DEF8: variants seen among roughly 807,000 people sequenced by gnomAD.
The protein encoded by DEF8 is DEF-8.
Under a neutral mutation model 59.1 loss-of-function variants are expected in DEF8, and 38 were observed. The observed-to-expected ratio is 0.64, with a 90% confidence interval of 0.50 to 0.84. The LOEUF is 0.84. Ranked by LOEUF, DEF8 falls within the 40% of genes least tolerant of loss-of-function variation. The probability of loss-of-function intolerance (pLI) is 0.00; values close to 1 mark genes in which losing one functional copy is unlikely to be tolerated. For missense variants in DEF8, 557 were observed against 615.2 expected (o/e 0.91, Z 1.00); for synonymous variants, 265 against 250.1 (o/e 1.06, Z -0.56).
chr16:89,963,466 C>T, intron 10 of DEF8, 23 bp downstream of exon 10: 2 of 1,603,242 alleles, frequency 1.2e-6, no homozygotes, highest in South Asian at 2.2e-5. Context: ...GCAGGACTGG[C>T]CCCCGATGGG....
chr16:89,962,428 T>A (rs1301276936), intron 9 of DEF8, among the ~76,000 whole-genome samples: 1 of 152,050 alleles, frequency 6.6e-6, no homozygotes. Flanking sequence ...GAGGCTGAGG[T>A]GGGTGGATCA....
chr16:89,960,971 C>G lies in DEF8; in HGVS notation c.555C>G (p.Ile185Met), dbSNP rs2033950615. Residue 185 changes from isoleucine (I) to methionine (M), a missense_variant, in exon 7 of 13, where the codon ATC (isoleucine) becomes ATG (methionine). Physicochemically the swap from Ile to Met is conservative, Grantham distance 10 (BLOSUM62 1). Transcript: ENST00000563594. ...GTCACAGTAAGTGCTTGAACCTCAT[C>G]TCCAAGCCCTGTGTGAGCTCCAAAG... ...YRCHSKCLNL[I>M]SKPCVSSKVS... The G allele has an allele frequency of 6.2e-7, 1 of 1,613,996 alleles. No individual in the cohort carries two copies.
At chr16:89,951,488 G>A (rs569348304) in intron 2 of DEF8, among the ~76,000 whole-genome samples, 1 of 152,236 alleles carries the variant, frequency 6.6e-6, no homozygotes, top group East Asian at 1.9e-4. Flanking sequence ...CAGGTGATCA[G>A]CCCACTTCTG....
intron 4 of DEF8, 131 bp downstream of exon 4, chr16:89,955,397 T>C (rs935537742): frequency 1.2e-5 from 9 of 730,648 alleles, no homozygotes; most frequent in African/African-American, 1.2e-4. Flanking sequence ...TCTCACTCCA[T>C]TGTCAGGCTC....
chr16:89,954,433 G>A lies in DEF8; in HGVS notation c.124+57G>A. 6.3e-7 allele frequency: 1 copy of A among 1,575,762 alleles called. No individual in the cohort carries two copies. Among genetic ancestry groups the A allele is most frequent in the South Asian group, 1.2e-5 (1 of 86,914 alleles). Reference sequence around the variant, plus strand: ...GGGCAGGTCTCTGACTGCTTACGTGGACCCCTCCTTTCTTCCTGCCGCGTC... The same window carrying A: ...GGGCAGGTCTCTGACTGCTTACGTGAACCCCTCCTTTCTTCCTGCCGCGTC... On this transcript the variant is annotated intron_variant, in intron 3 of 12. Coordinates refer to ENST00000563594, the MANE Select transcript of DEF8 (RefSeq NM_001242818.2). This position sits in a 1 kb window ranked among gnomAD's most constrained non-coding sequence, Gnocchi z 4.3.
chr16:89,954,475 T>C lies in DEF8; in HGVS notation c.124+99T>C. On this transcript the variant is annotated intron_variant, in intron 3 of 12. Transcript: ENST00000563594. The surrounding 1 kb of genome is among the most constrained non-coding windows in gnomAD (Gnocchi z 4.3). ...TGCCGCGTCCTGCGCAGCCCTGGCTTTCCCACGGAGCCGGCACCTGCTGGC... is the reference window on the plus strand; with the variant it reads ...TGCCGCGTCCTGCGCAGCCCTGGCTCTCCCACGGAGCCGGCACCTGCTGGC... The C allele has an allele frequency of 7.2e-7, 1 of 1,385,894 alleles. No individual in the cohort carries two copies. Among genetic ancestry groups the C allele is most frequent in the Non-Finnish European group, 9.8e-7 (1 of 1,019,574 alleles). The allele number at this position is 1,385,894 out of a possible 1,614,324, so 85.8% of individuals were successfully genotyped here.
Position 89,967,372 on chromosome 16 carries a change from G to A in DEF8, c.*1409G>A. 2.5e-6 allele frequency: 1 copy of A among 398,670 alleles called. No individual in the cohort carries two copies. Among genetic ancestry groups the A allele is most frequent in the Non-Finnish European group, 4.4e-6 (1 of 226,096 alleles). 24.7% of individuals were successfully genotyped at this position (398,670 alleles called of 1,614,324 possible). The stretch of plus-strand genomic sequence containing the variant: ...GCTCATTCCAGGAGTGGGAGAGACG[G>A]CAGGGTCTCCTCTTTGTCCTCCGGC... On this transcript the variant is annotated 3_prime_UTR_variant, in exon 13 of 13. Transcript: ENST00000563594.
At position 89,957,555 on chromosome 16, in the gene DEF8, C is replaced by T. The variant is rs372563628; in HGVS notation, c.267C>T (p.Ile89=). The T allele has an allele frequency of 1.5e-5, 24 of 1,592,456 alleles. No homozygotes were observed. Among genetic ancestry groups the T allele is most frequent in the African/African-American group, 2.7e-5 (2 of 74,518 alleles). Residue 89 remains isoleucine, a synonymous_variant, in exon 5 of 13, where the codon ATC becomes ATT. Transcript: ENST00000563594. ...ACGTCCAGCAGCTGCGGCAGGCGAT[C>T]GAGGAGTGCAAGCAGGTGATTCTGG... is the stretch of plus-strand genomic sequence containing the variant. ...ASDVQQLRQA[I]EECKQVILEL...
chr16:89,967,481 C>G lies in DEF8; in HGVS notation c.*1518C>G. On this transcript the variant is annotated 3_prime_UTR_variant, in exon 13 of 13. Coordinates refer to ENST00000563594, the MANE Select transcript of DEF8 (RefSeq NM_001242818.2). ...GTCTGCTCTGCCTCGGTTTCCCCATCTGGAAAATGGGGGCAGGGGTCCTGA... is the reference window on the plus strand; with the variant it reads ...GTCTGCTCTGCCTCGGTTTCCCCATGTGGAAAATGGGGGCAGGGGTCCTGA... The G allele has an allele frequency of 2.5e-6, 1 of 398,622 alleles. No homozygotes were observed. Among genetic ancestry groups the G allele is most frequent in the Non-Finnish European group, 4.4e-6 (1 of 226,080 alleles). 24.7% of individuals were successfully genotyped at this position (398,622 alleles called of 1,614,324 possible). A position where few individuals can be genotyped will look rare whatever the true frequency, so the allele number is the denominator to read the frequency against.
At position 89,967,409 on chromosome 16, in the gene DEF8, G is replaced by T; in HGVS notation, c.*1446G>T. ...CTTTGTCCTCCGGCATCAGGAAGGG[G>T]ATGGTGTCCACTCCCCACTGTGGTG... On this transcript the variant is annotated 3_prime_UTR_variant, in exon 13 of 13. Transcript: ENST00000563594. 2.5e-6 allele frequency: 1 copy of T among 398,690 alleles called. No individual in the cohort carries two copies. 24.7% of individuals were successfully genotyped at this position (398,690 alleles called of 1,614,324 possible).
chr16:89,951,664 C>T (rs77017393), intron 2 of DEF8, among the ~76,000 whole-genome samples: 18,035 of 152,172 alleles, frequency 0.12, 1,395 homozygotes, highest in African/African-American at 0.21. Context: ...GGCTCAGGTG[C>T]AGTCCCCTGC....
At chr16:89,953,434 G>T (rs1385985119) in intron 2 of DEF8, among the ~76,000 whole-genome samples, 1 of 152,198 alleles carries the variant, frequency 6.6e-6, no homozygotes, top group African/African-American at 2.4e-5. Context: ...CCTCCGGGTG[G>T]GGAAAGAGCA....
In DEF8 at chr16:89,961,248, C is replaced by A. The variant is rs2033986418; in HGVS notation, c.679+153C>A. Among the ~76,000 whole-genome samples the A allele has an allele frequency of 2.0e-5, 3 of 152,186 alleles. No homozygotes were observed. The South Asian group carries it at 6.2e-4, about 31-fold the overall frequency. On this transcript the variant is annotated intron_variant, in intron 7 of 12. Transcript: ENST00000563594. ...TTTAGGAAGTGACAAGGGTCTGTTG[C>A]TGCCATTGTTTCATTTCTCACTGAA...
chr16:89,953,745 G>A (rs906676969), intron 2 of DEF8, among the ~76,000 whole-genome samples: 1 of 152,338 alleles, frequency 6.6e-6, no homozygotes, highest in Non-Finnish European at 1.5e-5. Context: ...TGAGACAGGG[G>A]CTGTGGTTTC....
chr16:89,959,249 G>C, intron 6 of DEF8, 94 bp downstream of exon 6: 4 of 1,577,464 alleles, frequency 2.5e-6, no homozygotes, highest in South Asian at 2.3e-5. Flanking sequence ...ATCCAGTGTG[G>C]TGGCCACTAG....
intron 2 of DEF8, among the ~76,000 whole-genome samples, chr16:89,950,525 T>C (rs1037094591): frequency 6.6e-6 from 1 of 152,040 alleles, no homozygotes; most frequent in African/African-American, 2.4e-5. Context: ...AGTAGCTGGA[T>C]TACAGGCATG....
At chr16:89,953,289 C>T (rs1350378848) in intron 2 of DEF8, among the ~76,000 whole-genome samples, 1 of 152,164 alleles carries the variant, frequency 6.6e-6, no homozygotes, top group African/African-American at 2.4e-5. Flanking sequence ...GAAATGGAGG[C>T]AGAGAGGCTA....
intron 4 of DEF8, 38 bp downstream of exon 4, chr16:89,955,304 G>A: frequency 6.4e-7 from 1 of 1,567,988 alleles, no homozygotes; most frequent in Non-Finnish European, 8.8e-7. Context: ...GGGACTGAGG[G>A]AACCCCCAAG....
At position 89,959,085 on chromosome 16, in the gene DEF8, C is replaced by T. The variant is rs962138715; in HGVS notation, c.444C>T (p.Ser148=). The T allele has an allele frequency of 9.3e-6, 15 of 1,613,740 alleles. No individual in the cohort carries two copies. Among genetic ancestry groups the T allele is most frequent in the African/African-American group, 5.3e-5 (4 of 74,912 alleles). The change falls in exon 6 of 13, where the codon AGC becomes AGT. Residue 148 remains serine, a synonymous_variant. Transcript: ENST00000563594. ...GCTTTTACAAGGAGAAGAGCAAGAG[C>T]GTCAAGCAGACCTGTGACAAGTGTA... ...EHRFYKEKSK[S]VKQTCDKCNT... is the part of the protein sequence containing the mutation.
Sources: allele counts gnomAD v4.1 joint callset (sites outside exome capture counted in the v4.1 genomes callset), GRCh38; gene constraint gnomAD v4.1.1; non-coding constraint Gnocchi (gnomAD v3.1); transcripts MANE v1.5; gene names NCBI Gene and HGNC (gene_info 2026-07-23, HGNC 2026-07-21).